NMT1: variants seen among roughly 807,000 people sequenced by gnomAD.
NMT1 encodes the protein N-myristoyltransferase 1.
A neutral mutation model predicts 63.4 loss-of-function variants in NMT1; 12 were observed. The ratio of observed to expected loss-of-function variants is 0.19; its 90% CI spans 0.12 to 0.31. The LOEUF (loss-of-function observed/expected upper bound fraction) is 0.31, where lower values mean the gene tolerates loss of function less well. Among genes scored for constraint, NMT1 ranks in the 10% least tolerant of loss-of-function variants. The probability of loss-of-function intolerance (pLI) is 1.00; values close to 1 mark genes in which losing one functional copy is unlikely to be tolerated. For synonymous variants in NMT1, 228 were observed against 234.3 expected, an observed-to-expected ratio of 0.97 and a Z score of 0.25; for missense variants, 432 against 634.6, an observed-to-expected ratio of 0.68 and a Z score of 3.43.
At chr17:45,068,874 T>G (rs1263667658) in intron 1 of NMT1, among the ~76,000 whole-genome samples, 1 of 152,212 alleles carries the variant, frequency 6.6e-6, no homozygotes, top group Non-Finnish European at 1.5e-5. Flanking sequence ...CTCGAACTCC[T>G]GGCCTCAAGC....
intron 1 of NMT1, chr17:45,061,828 CAACGTGACTAGCAATA>C: frequency 6.0e-6 from 1 of 166,480 alleles, no homozygotes. Context: ...GTTGTTTGAA[CAACGTGACTAGCAATA>C]AACGAATCAT....
chr17:45,082,764 C>T (rs1442016344), intron 2 of NMT1, among the ~76,000 whole-genome samples: 2 of 152,138 alleles, frequency 1.3e-5, no homozygotes, highest in East Asian at 3.9e-4. Flanking sequence ...GCCTGTAATA[C>T]CAGCACTTTG....
Position 45,108,452 on chromosome 17 carries a change from T to C in NMT1, c.*2813T>C, listed in dbSNP as rs2239925. Reference sequence around the variant, plus strand: ...AATGTCAGGCCTTCCCCACAACTCCTGTCTAACTGCTGTCGCCCCCCTACT... The same window carrying C: ...AATGTCAGGCCTTCCCCACAACTCCCGTCTAACTGCTGTCGCCCCCCTACT... On this transcript the variant is annotated 3_prime_UTR_variant, in exon 12 of 12. Transcript: ENST00000258960. 89,527 of 152,538 alleles carry C rather than the reference T, an allele frequency of 0.59. 26,794 individuals are homozygous for C. Among genetic ancestry groups the C allele is most frequent in the East Asian group, 0.9 (4,644 of 5,186 alleles). The allele number at this position is 152,538 out of a possible 1,614,324, so 9.4% of individuals were successfully genotyped here.
At chr17:45,085,764 C>G (rs1159347806) in intron 2 of NMT1, among the ~76,000 whole-genome samples, 1 of 152,070 alleles carries the variant, frequency 6.6e-6, no homozygotes, top group Non-Finnish European at 1.5e-5. Flanking sequence ...TTGTAATGAC[C>G]TCTGGGATTA....
intron 3 of NMT1, among the ~76,000 whole-genome samples, chr17:45,089,838 A>G (rs1477372267): frequency 1.3e-5 from 2 of 150,850 alleles, no homozygotes; most frequent in Non-Finnish European, 3.0e-5. Context: ...TGGTTTCACT[A>G]TGTTGACCAG....
At chr17:45,067,311 T>G (rs986358916) in intron 1 of NMT1, among the ~76,000 whole-genome samples, 1 of 152,174 alleles carries the variant, frequency 6.6e-6, no homozygotes, top group African/African-American at 2.4e-5. Context: ...ACTATTGTGT[T>G]CTAGGAATCT....
chr17:45,068,770 C>T (rs2053919647), intron 1 of NMT1, among the ~76,000 whole-genome samples: 1 of 151,610 alleles, frequency 6.6e-6, no homozygotes, highest in Non-Finnish European at 1.5e-5. Flanking sequence ...TCTTAACCTC[C>T]CAAATAGCTG....
intron 1 of NMT1, 168 bp downstream of exon 1, chr17:45,061,628 G>A: frequency 3.3e-6 from 2 of 606,310 alleles, no homozygotes; most frequent in Middle Eastern, 4.5e-4. Flanking sequence ...ATTTACCAAG[G>A]GTGGGTGCTC....
At chr17:45,070,286 T>G (rs2053931669) in intron 1 of NMT1, among the ~76,000 whole-genome samples, 1 of 151,984 alleles carries the variant, frequency 6.6e-6, no homozygotes, top group African/African-American at 2.4e-5. Context: ...GGAGTCTCAC[T>G]CTCACCCAGG....
At chr17:45,097,360 A>T in intron 6 of NMT1, 116 bp downstream of exon 6, 1 of 827,626 alleles carries the variant, frequency 1.2e-6, no homozygotes, top group Non-Finnish European at 2.1e-6. Context: ...AGGTCTCAGG[A>T]AGGGAGGATG....
intron 1 of NMT1, 197 bp downstream of exon 1, chr17:45,061,657 G>A: frequency 1.8e-6 from 1 of 550,956 alleles, no homozygotes; most frequent in Non-Finnish European, 3.2e-6. Flanking sequence ...AAGGGCCGGA[G>A]ACGTTCAGTA....
Position 45,086,561 on chromosome 17 carries a change from G to T in NMT1, c.294G>T (p.Leu98=), listed in dbSNP as rs754577624. The part of the protein sequence containing the change: ...RIQEIQKAIE[L]FSVGQGPAKT... Reference sequence around the variant, plus strand: ...AGGAAATACAGAAGGCCATTGAGCTGTTCTCAGTGGGTCAGGGACCTGCCA... The same window carrying T: ...AGGAAATACAGAAGGCCATTGAGCTTTTCTCAGTGGGTCAGGGACCTGCCA... Residue 98 remains leucine (L), a synonymous_variant, in exon 3 of 12, where the codon CTG becomes CTT. Coordinates refer to ENST00000258960, the MANE Select transcript of NMT1 (RefSeq NM_021079.5). 9.3e-6 allele frequency: 15 copies of T among 1,613,560 alleles called. No individual in the cohort carries two copies. The highest frequency in any genetic ancestry group is 6.7e-5 in the Admixed American group (4 of 59,944).
chr17:45,096,414 T>C, intron 5 of NMT1, 129 bp downstream of exon 5: 1 of 725,626 alleles, frequency 1.4e-6, no homozygotes, highest in Non-Finnish European at 2.5e-6. Flanking sequence ...CATTTTTGAG[T>C]TCCTGCATCT....
At chr17:45,091,378 C>T (rs2054086947) in intron 3 of NMT1, among the ~76,000 whole-genome samples, 1 of 152,146 alleles carries the variant, frequency 6.6e-6, no homozygotes, top group Non-Finnish European at 1.5e-5. Flanking sequence ...AGAACTGGCA[C>T]ATTCTAGGAT....
chr17:45,077,922 AC>A (rs1301157298), intron 1 of NMT1, among the ~76,000 whole-genome samples: 2 of 152,064 alleles, frequency 1.3e-5, no homozygotes, highest in Non-Finnish European at 2.9e-5. Flanking sequence ...TAAGGAAGTT[AC>A]CTTATTTCCC....
Position 45,099,525 on chromosome 17 carries a change from C to A in NMT1, c.993+12C>A. 1 of 1,594,386 alleles carries A rather than the reference C, an allele frequency of 6.3e-7. No individual in the cohort carries two copies. The highest frequency in any genetic ancestry group is 8.6e-7 in the Non-Finnish European group (1 of 1,161,998). On this transcript the variant is annotated intron_variant, in intron 8 of 11. Coordinates refer to ENST00000258960, the MANE Select transcript of NMT1 (RefSeq NM_021079.5). ...ACCGACTGCCAGAGGCCAGTGCTGC[C>A]CCGGGTGGTGGGCAGGGGGCAGAGA...
At chr17:45,067,226 T>A (rs1408448567) in intron 1 of NMT1, among the ~76,000 whole-genome samples, 2 of 151,986 alleles carry the variant, frequency 1.3e-5, no homozygotes, top group African/African-American at 2.4e-5. Flanking sequence ...ATAAATCTCA[T>A]CAGTTGGCAG....
At chr17:45,072,238 T>G (rs2053944706) in intron 1 of NMT1, among the ~76,000 whole-genome samples, 1 of 146,710 alleles carries the variant, frequency 6.8e-6, no homozygotes, top group Admixed American at 6.8e-5. Flanking sequence ...GGTAACAGAG[T>G]AAGAAACTGT....
At position 45,105,509 on chromosome 17, in the gene NMT1, A is replaced by G; in HGVS notation, c.1471-110A>G. 2 of 1,191,268 alleles carry G rather than the reference A, an allele frequency of 1.7e-6. No homozygotes were observed. The highest frequency in any genetic ancestry group is 2.5e-5 in the South Asian group (2 of 80,592). The allele number at this position is 1,191,268 out of a possible 1,614,324, so 73.8% of individuals were successfully genotyped here. On this transcript the variant is annotated intron_variant, in intron 11 of 11. Coordinates refer to ENST00000258960, the MANE Select transcript of NMT1 (RefSeq NM_021079.5). This position sits in a 1 kb window ranked among gnomAD's most constrained non-coding sequence, Gnocchi z 4.2. ...CTGGGTGTGAGTCTGCTCCCACAGCACAGGCGGTGGACCCGGGCCCAGCCA... is the reference window on the plus strand; with the variant it reads ...CTGGGTGTGAGTCTGCTCCCACAGCGCAGGCGGTGGACCCGGGCCCAGCCA...
Sources: gnomAD v4.1 joint callset for allele counts (sites outside exome capture counted in the v4.1 genomes callset) on GRCh38, gnomAD v4.1.1 for gene constraint, Gnocchi (gnomAD v3.1) non-coding constraint, MANE v1.5 for transcripts, NCBI Gene and HGNC (gene_info 2026-07-23, HGNC 2026-07-21) for gene names.